GYG2: variants seen among roughly 807,000 people sequenced by gnomAD.
The protein encoded by GYG2 is glycogenin-2.
A neutral mutation model predicts 29.4 loss-of-function variants in GYG2; 29 were observed. The ratio of observed to expected loss-of-function variants is 0.99; its 90% confidence interval spans 0.74 to 1.35. The LOEUF is 1.35. GYG2 is among the 40% of genes most tolerant of loss of function. The pLI is 0.00. For synonymous variants in GYG2, 167 were observed against 172.3 expected, an observed-to-expected ratio of 0.97 and a Z score of 0.24; for missense variants, 370 against 385.7, an observed-to-expected ratio of 0.96 and a Z score of 0.34.
rs1280901663 is a variant in GYG2, at chrX:2,857,168, ATGTC to A, written c.614+546_614+549del. Among the ~76,000 whole-genome samples the A allele has an allele frequency of 2.1e-3, 183 of 87,598 alleles. 1 individual carries two copies. Among genetic ancestry groups the A allele is most frequent in the South Asian group, 4.1e-3 (6 of 1,474 alleles). The allele number at this position is 87,598 out of a possible 115,157, so 76.1% of individuals were successfully genotyped here. On this transcript the variant is annotated intron_variant, in intron 6 of 10. Coordinates refer to ENST00000398806, the MANE Select transcript of GYG2 (RefSeq NM_001079855.2). ...TATTTATCTATCTATCTAGACCTAGATGTCTATCTATCTAGACCTAGATATCTAT... is the reference window on the plus strand; with the variant it reads ...TATTTATCTATCTATCTAGACCTAGATATCTATCTAGACCTAGATATCTAT...
intron 3 of GYG2, 91 bp from the exon 4 acceptor site, chrX:2,853,889 G>A: frequency 6.5e-6 from 4 of 610,836 alleles, no homozygotes; most frequent in Non-Finnish European, 1.1e-5. Flanking sequence ...CCACGTTTGT[G>A]AGCAGCAAAA....
intron 2 of GYG2, among the ~76,000 whole-genome samples, chrX:2,841,413 T>C (rs765569842): frequency 9.2e-6 from 1 of 108,998 alleles, no homozygotes; most frequent in South Asian, 4.0e-4. Context: ...GATAAATAGA[T>C]GAATGGATGG....
chrX:2,845,765 A>ATT (rs2087701917), intron 3 of GYG2, among the ~76,000 whole-genome samples: 1 of 104,681 alleles, frequency 9.6e-6, no homozygotes, highest in South Asian at 4.0e-4. Context: ...GTATGTATAT[A>ATT]TATGCATGTG....
At chrX:2,859,180 G>T (rs931492257) in intron 6 of GYG2, among the ~76,000 whole-genome samples, 2 of 111,459 alleles carry the variant, frequency 1.8e-5, no homozygotes, top group East Asian at 5.6e-4. Context: ...ATGATATATT[G>T]ATTACTATCT....
intron 9 of GYG2, among the ~76,000 whole-genome samples, chrX:2,876,626 C>T (rs1157282047): frequency 1.8e-5 from 2 of 111,149 alleles, no homozygotes; most frequent in East Asian, 2.8e-4. Context: ...AAAAGAAGAT[C>T]GAGTACAGTC....
At position 2,850,314 on chromosome X, in the gene GYG2, C is replaced by T. The variant is rs753708159; in HGVS notation, c.150-3666C>T. Among the ~76,000 whole-genome samples, 33 of 111,527 alleles carry T rather than the reference C, an allele frequency of 3.0e-4. No individual in the cohort carries two copies. In the South Asian group the frequency reaches 8.3e-3, roughly 28 times the overall value. ...AGAGAAGAAAGAATGAGCATATGTTCATGTTTTTGTTTCGTCTGGGAAGAA... is the reference window on the plus strand; with the variant it reads ...AGAGAAGAAAGAATGAGCATATGTTTATGTTTTTGTTTCGTCTGGGAAGAA... On this transcript the variant is annotated intron_variant, in intron 3 of 10. Coordinates refer to ENST00000398806, the MANE Select transcript of GYG2 (RefSeq NM_001079855.2).
At chrX:2,853,768 T>G in intron 3 of GYG2, 1 of 381,161 alleles carries the variant, frequency 2.6e-6, no homozygotes, top group East Asian at 4.2e-5. Context: ...CATTCAAGCA[T>G]GCAGAGGCTT....
At chrX:2,845,995 GTA>G (rs201335553) in intron 3 of GYG2, among the ~76,000 whole-genome samples, 1 of 68,872 alleles carries the variant, frequency 1.5e-5, no homozygotes, top group Non-Finnish European at 2.6e-5. Context: ...ATACATATAT[GTA>G]TATATATACA....
intron 4 of GYG2, 106 bp from the exon 5 acceptor site, chrX:2,854,887 G>A (rs2087945579): frequency 2.2e-6 from 2 of 928,670 alleles, no homozygotes; most frequent in Non-Finnish European, 1.5e-6. Context: ...AGCCGAGACT[G>A]AAGCACTGCA....
At chrX:2,866,101 A>G (rs1417377921) in intron 8 of GYG2, among the ~76,000 whole-genome samples, 1 of 112,364 alleles carries the variant, frequency 8.9e-6, no homozygotes, top group Non-Finnish European at 1.9e-5. Flanking sequence ...ATGGATGGAA[A>G]TAGAGGACAT....
At position 2,844,650 on chromosome X, in the gene GYG2, GCACACGCA is replaced by G. The variant is rs1379437002; in HGVS notation, c.149+1297_149+1304del. 1.7e-3 allele frequency among the ~76,000 whole-genome samples: 36 copies of G among 21,159 alleles called. 1 individual carries two copies. The highest frequency in any genetic ancestry group is 6.1e-3 in the South Asian group (2 of 327). 18.4% of individuals were successfully genotyped at this position (21,159 alleles called of 115,157 possible). A position where few individuals can be genotyped will look rare whatever the true frequency, so the allele number is the denominator to read the frequency against. On this transcript the variant is annotated intron_variant, in intron 3 of 10. Coordinates refer to ENST00000398806, the MANE Select transcript of GYG2 (RefSeq NM_001079855.2). ...CACACGCATGCGTATATGTGTATACGCACACGCATGCGTATATGTGTATACGCACACGC... is the reference window on the plus strand; with the variant it reads ...CACACGCATGCGTATATGTGTATACGTGCGTATATGTGTATACGCACACGC...
chrX:2,863,877 G>A (rs186944671), intron 8 of GYG2, among the ~76,000 whole-genome samples: 24 of 111,480 alleles, frequency 2.2e-4, no homozygotes, highest in African/African-American at 7.5e-4. Flanking sequence ...TACATGATGT[G>A]CAAAACGGCT....
chrX:2,881,109 A>G lies in GYG2; in HGVS notation c.1309A>G (p.Ser437Gly), dbSNP rs751880695. Residue 437 changes from serine (S) to glycine (G), a missense_variant, in exon 11 of 11, where the codon AGC becomes GGC. Physicochemically the swap from Ser to Gly is moderately conservative, Grantham distance 56. Coordinates refer to ENST00000398806, the MANE Select transcript of GYG2 (RefSeq NM_001079855.2). The stretch of plus-strand genomic sequence containing the variant: ...CATCGAAGAGAAGGTGAAGGAATTG[A>G]GCCCCGAGGAAGAGAGGAGGAAGTG... Reference protein sequence around the residue: ...ISIEEKVKELSPEEERRKWEE... With the variant: ...ISIEEKVKELGPEEERRKWEE... 2 of 1,208,015 alleles carry G rather than the reference A, an allele frequency of 1.7e-6. No homozygotes were observed. The highest frequency in any genetic ancestry group is 1.7e-5 in the African/African-American group (1 of 57,544).
chrX:2,855,256 T>A, intron 5 of GYG2, 101 bp downstream of exon 5: 2 of 714,514 alleles, frequency 2.8e-6, no homozygotes, highest in Non-Finnish European at 2.1e-6. Context: ...CACACCTCGC[T>A]CAGCGACAGG....
intron 8 of GYG2, among the ~76,000 whole-genome samples, chrX:2,872,666 T>C (rs1411128593): frequency 1.8e-5 from 2 of 112,490 alleles, no homozygotes; most frequent in African/African-American, 6.5e-5. Context: ...TATTTATGTG[T>C]TTATCGTTGG....
intron 3 of GYG2, among the ~76,000 whole-genome samples, chrX:2,843,706 C>T (rs1202479166): frequency 4.5e-5 from 5 of 111,928 alleles, no homozygotes; most frequent in African/African-American, 6.5e-5. Context: ...CTTGGCTCAC[C>T]GCAACCTCTC....
At chrX:2,861,472 A>G in intron 7 of GYG2, 50 bp from the exon 8 acceptor site, 1 of 1,033,397 alleles carries the variant, frequency 9.7e-7, no homozygotes, top group Non-Finnish European at 1.4e-6. Flanking sequence ...ACAGCAGGTG[A>G]ATTGAGGAGA....
Position 2,844,827 on chromosome X carries a change from T to C in GYG2, c.149+1473T>C, listed in dbSNP as rs140829409. ...GTGTATATATTTATATATACGTATG[T>C]GTATATGTACATGTATGTGTATATA... On this transcript the variant is annotated intron_variant, in intron 3 of 10. Transcript: ENST00000398806. 2.5e-3 allele frequency among the ~76,000 whole-genome samples: 262 copies of C among 103,484 alleles called. 3 individuals are homozygous for C. Among genetic ancestry groups the C allele is most frequent in the African/African-American group, 9.9e-3 (250 of 25,150 alleles). The allele number at this position is 103,484 out of a possible 115,157, so 89.9% of individuals were successfully genotyped here.
chrX:2,831,275 A>T (rs2087258240), intron 2 of GYG2, among the ~76,000 whole-genome samples: 1 of 112,431 alleles, frequency 8.9e-6, no homozygotes. Context: ...TATGTTGCCC[A>T]GGCTGGTCTT....
Sources: gnomAD v4.1 joint callset for allele counts (sites outside exome capture counted in the v4.1 genomes callset) on GRCh38, gnomAD v4.1.1 for gene constraint, MANE v1.5 for transcripts, NCBI Gene and HGNC (gene_info 2026-07-23, HGNC 2026-07-21) for gene names.